Variants in TERB1 observed in about 807,000 individuals in gnomAD.
TERB1 encodes the protein telomere repeat binding bouquet formation protein 1, also known as telomere repeats-binding bouquet formation protein 1.
In TERB1, 63 loss-of-function variants were observed where a neutral mutation model predicts 92.3. The ratio of observed to expected loss-of-function variants is 0.68; its 90% CI spans 0.56 to 0.84. The LOEUF (loss-of-function observed/expected upper bound fraction) is 0.84. Ranked by LOEUF, TERB1 falls within the 40% of genes least tolerant of loss-of-function variation. The pLI is 0.00. For missense variants in TERB1, 709 were observed against 843.7 expected (o/e 0.84, Z 1.98); for synonymous variants, 252 against 283.9 (o/e 0.89, Z 1.13).
At chr16:66,797,661 A>ACACACACT (rs1162593919) in intron 2 of TERB1, among the ~76,000 whole-genome samples, 1 of 148,488 alleles carries the variant, frequency 6.7e-6, no homozygotes, top group East Asian at 2.0e-4. Context: ...ACACACACAC[A>ACACACACT]CTCTTTAGAT....
Position 66,788,282 on chromosome 16 carries a change from G to C in TERB1, c.287C>G (p.Thr96Ser). Residue 96 changes from threonine (T) to serine (S), a missense_variant, in exon 6 of 19, where the codon ACT becomes AGT. Thr to Ser is a moderately conservative substitution (Grantham distance 58, BLOSUM62 1). Coordinates refer to ENST00000433154, the MANE Select transcript of TERB1 (RefSeq NM_001136505.2). Reference protein sequence around the residue: ...IAEKNVYCQQTLCTSELFEDL... With the variant: ...IAEKNVYCQQSLCTSELFEDL... ...TTCAAACAACTCTGAAGTACACAAA[G>C]TCTGCTGACAGTAAACTGAAATATA... is the stretch of plus-strand genomic sequence containing the variant. The C allele has an allele frequency of 6.7e-7, 1 of 1,492,182 alleles. No individual in the cohort carries two copies. The allele number at this position is 1,492,182 out of a possible 1,614,324, so 92.4% of individuals were successfully genotyped here.
At chr16:66,786,734 T>G (rs1020223624) in intron 6 of TERB1, among the ~76,000 whole-genome samples, 2 of 152,138 alleles carry the variant, frequency 1.3e-5, no homozygotes, top group Non-Finnish European at 2.9e-5. Context: ...TGTGCCTGGG[T>G]CTGTGATCCT....
chr16:66,774,683 C>CCA (rs386384962), intron 12 of TERB1, among the ~76,000 whole-genome samples: 1 of 40,218 alleles, frequency 2.5e-5, no homozygotes, highest in Non-Finnish European at 4.3e-5. Flanking sequence ...CTCTGATTTT[C>CCA]TTTTTTTTTT....
At chr16:66,759,849 A>T (rs553252480) in intron 16 of TERB1, among the ~76,000 whole-genome samples, 2 of 148,920 alleles carry the variant, frequency 1.3e-5, no homozygotes, top group South Asian at 4.5e-4. Context: ...GAAAAAGAGC[A>T]TCTAGAGCGG....
intron 10 of TERB1, among the ~76,000 whole-genome samples, chr16:66,778,496 C>A (rs184756196): frequency 6.6e-6 from 1 of 152,260 alleles, no homozygotes; most frequent in East Asian, 1.9e-4. Flanking sequence ...TCCCTCACTG[C>A]AACCTCCACC....
chr16:66,790,739 A>G lies in TERB1; in HGVS notation c.143-16T>C, dbSNP rs900135302. On this transcript the variant is annotated splice_polypyrimidine_tract_variant and intron_variant, in intron 4 of 18. Transcript: ENST00000433154. ...CTTGCATTACCTGTAGGATGTGCAG[A>G]AAAAAAACAAAATAGAAATGATATT... 132 of 1,545,556 alleles carry G rather than the reference A, an allele frequency of 8.5e-5. No individual in the cohort carries two copies. The highest frequency in any genetic ancestry group is 1.0e-4 in the Non-Finnish European group (115 of 1,144,484).
At chr16:66,773,393 CT>C (rs111259842) in intron 12 of TERB1, among the ~76,000 whole-genome samples, 4 of 141,538 alleles carry the variant, frequency 2.8e-5, no homozygotes, top group East Asian at 3.9e-4. Flanking sequence ...TCCTATAATC[CT>C]TTTTTTTTAA....
intron 16 of TERB1, among the ~76,000 whole-genome samples, chr16:66,760,458 A>T (rs1333419325): frequency 1.2e-5 from 1 of 83,126 alleles, no homozygotes; most frequent in Non-Finnish European, 2.2e-5. Context: ...CTCCATCTCA[A>T]AAAAAAAAAA....
intron 16 of TERB1, among the ~76,000 whole-genome samples, chr16:66,766,384 C>T (rs2018347300): frequency 6.6e-6 from 1 of 151,670 alleles, no homozygotes; most frequent in Admixed American, 6.6e-5. Context: ...TGTTCTGAGC[C>T]GAATATAGAG....
At chr16:66,756,193 G>T (rs1294602260) in intron 18 of TERB1, among the ~76,000 whole-genome samples, 2 of 152,200 alleles carry the variant, frequency 1.3e-5, no homozygotes, top group Non-Finnish European at 2.9e-5. Context: ...AGTTGAGGCT[G>T]TTATTTACTT....
At chr16:66,769,688 C>G (rs1371969928) in intron 14 of TERB1, among the ~76,000 whole-genome samples, 2 of 152,176 alleles carry the variant, frequency 1.3e-5, no homozygotes, top group Non-Finnish European at 2.9e-5. Flanking sequence ...AAATTCAAAT[C>G]TGTTACGCCA....
At chr16:66,781,772 G>A (rs1039944186) in intron 9 of TERB1, among the ~76,000 whole-genome samples, 2 of 151,960 alleles carry the variant, frequency 1.3e-5, no homozygotes, top group African/African-American at 2.4e-5. Context: ...CGCCTGTCTC[G>A]GCCTCCCAAA....
chr16:66,780,778 AAGT>A (rs1412894494), intron 9 of TERB1, among the ~76,000 whole-genome samples: 2 of 152,184 alleles, frequency 1.3e-5, no homozygotes, highest in Admixed American at 1.3e-4. Flanking sequence ...TCACTCATTA[AAGT>A]TGGCTTTTAG....
chr16:66,784,419 C>A (rs1381291274), intron 9 of TERB1, among the ~76,000 whole-genome samples: 1 of 151,474 alleles, frequency 6.6e-6, no homozygotes. Context: ...GCAAGCCCTG[C>A]CTCCCAGGTT....
intron 9 of TERB1, among the ~76,000 whole-genome samples, chr16:66,781,956 T>C (rs1399055502): frequency 6.6e-6 from 1 of 152,238 alleles, no homozygotes; most frequent in African/African-American, 2.4e-5. Flanking sequence ...TAGTTATTTA[T>C]GCTTTTTGTG....
chr16:66,793,211 GTTTTT>G (rs1174263983), intron 3 of TERB1, among the ~76,000 whole-genome samples: 3 of 93,546 alleles, frequency 3.2e-5, no homozygotes, highest in South Asian at 4.3e-4. Flanking sequence ...TTGTGGTTTG[GTTTTT>G]TTTTTTTTTT....
At chr16:66,794,914 A>ACACACACACACACACACACACAC (rs1316374992) in intron 3 of TERB1, among the ~76,000 whole-genome samples, 1 of 82,802 alleles carries the variant, frequency 1.2e-5, no homozygotes, top group African/African-American at 3.0e-5. Flanking sequence ...CGTCTCAAAA[A>ACACACACACACACACACACACAC]AAAAAAAAAC....
chr16:66,774,030 C>T (rs2018498244), intron 12 of TERB1, among the ~76,000 whole-genome samples: 1 of 151,728 alleles, frequency 6.6e-6, no homozygotes, highest in Non-Finnish European at 1.5e-5. Context: ...CAGGCGTGCG[C>T]CACCAGGCCT....
In TERB1 at chr16:66,793,659, G is replaced by A. The variant is rs574896852; in HGVS notation, c.32-2640C>T. On this transcript the variant is annotated intron_variant, in intron 3 of 18. Transcript: ENST00000433154. ...CCCAAGGAGCTGGGATTACAGGTGTGCACCACCACGCCCAGCTAAATTTTT... is the reference window on the plus strand; with the variant it reads ...CCCAAGGAGCTGGGATTACAGGTGTACACCACCACGCCCAGCTAAATTTTT... Among the ~76,000 whole-genome samples the A allele has an allele frequency of 1.8e-4, 28 of 151,984 alleles. No individual in the cohort carries two copies. In the East Asian group the frequency reaches 5.4e-3, roughly 29 times the overall value.
Sources: gnomAD v4.1 joint callset for allele counts (sites outside exome capture counted in the v4.1 genomes callset) on GRCh38, gnomAD v4.1.1 for gene constraint, MANE v1.5 for transcripts, NCBI Gene and HGNC (gene_info 2026-07-23, HGNC 2026-07-21) for gene names.